TMCO4: variants seen among roughly 807,000 people sequenced by gnomAD.
TMCO4 encodes transmembrane and coiled-coil domain-containing protein 4.
TMCO4 carries 58 observed loss-of-function variants against 64.7 expected under a neutral mutation model. The ratio of observed to expected loss-of-function variants is 0.90; its 90% CI spans 0.73 to 1.12. The LOEUF is 1.12. TMCO4 is among the 50% of genes most tolerant of loss of function. The pLI, the probability that TMCO4 is intolerant of heterozygous loss-of-function variation, is 0.00. For synonymous variants in TMCO4, 325 were observed against 346.1 expected (o/e 0.94, Z 0.68); for missense variants, 780 against 825.9 (o/e 0.94, Z 0.68).
At chr1:19,695,577 T>C (rs866806570) in intron 14 of TMCO4, among the ~76,000 whole-genome samples, 1 of 152,198 alleles carries the variant, frequency 6.6e-6, no homozygotes, top group African/African-American at 2.4e-5. Context: ...GGGATAAGAA[T>C]GGCTGAGAGA....
rs1479019018 is a variant in TMCO4, at chr1:19,700,829, C to T, written c.1321G>A (p.Ala441Thr). 3 of 1,614,260 alleles carry T rather than the reference C, an allele frequency of 1.9e-6. No homozygotes were observed. Among genetic ancestry groups the T allele is most frequent in the Middle Eastern group, 1.6e-4 (1 of 6,062 alleles). Residue 441 changes from alanine to threonine, a missense_variant, in exon 14 of 16, where the codon GCC becomes ACC. Transcript: ENST00000294543. The stretch of plus-strand genomic sequence containing the variant: ...TTCCGGAAAGGCTCCCAATGCTTGG[C>T]TTCTCCCTCCACAGGCGCACCCAGC... ...ILLGAPVEGE[A>T]KHWEPFRKVV...
chr1:19,799,787 G>GCCGGCGGGGAGTGGC (rs990715734), intron 1 of TMCO4, 68 bp downstream of exon 1: 1 of 152,106 alleles, frequency 6.6e-6, no homozygotes, highest in Non-Finnish European at 1.5e-5. Context: ...CCCGCGTGGG[G>GCCGGCGGGGAGTGGC]CCGGCGGGGA....
chr1:19,737,968 TGATAA>T (rs1260179673), intron 12 of TMCO4, among the ~76,000 whole-genome samples: 9 of 152,264 alleles, frequency 5.9e-5, no homozygotes, highest in Admixed American at 1.3e-4. Context: ...TGGCTCTAAG[TGATAA>T]GATAAGGTAG....
chr1:19,692,195 CCT>C (rs2095200399), intron 15 of TMCO4, among the ~76,000 whole-genome samples: 1 of 152,124 alleles, frequency 6.6e-6, no homozygotes, highest in Admixed American at 6.6e-5. Flanking sequence ...CTCAGGGTCC[CCT>C]GATTGCTGAA....
At chr1:19,763,802 T>A (rs1340339493) in intron 6 of TMCO4, among the ~76,000 whole-genome samples, 1 of 152,234 alleles carries the variant, frequency 6.6e-6, no homozygotes, top group Non-Finnish European at 1.5e-5. Flanking sequence ...CTACACAGTA[T>A]TCCAGTACCA....
intron 4 of TMCO4, among the ~76,000 whole-genome samples, chr1:19,771,766 C>T (rs2042994501): frequency 6.6e-6 from 1 of 152,156 alleles, no homozygotes; most frequent in Admixed American, 6.5e-5. Context: ...AAGTGATTCT[C>T]CTGCCTCAGC....
At chr1:19,749,875 T>C (rs1320388431) in intron 7 of TMCO4, among the ~76,000 whole-genome samples, 2 of 152,156 alleles carry the variant, frequency 1.3e-5, no homozygotes, top group African/African-American at 4.8e-5. Flanking sequence ...TGAGACTTAT[T>C]TGGGGGTCAC....
intron 6 of TMCO4, among the ~76,000 whole-genome samples, chr1:19,756,112 A>G (rs922142781): frequency 6.6e-6 from 1 of 152,056 alleles, no homozygotes; most frequent in Non-Finnish European, 1.5e-5. Context: ...TTAGCCAGGC[A>G]TTGTGGTGCA....
chr1:19,788,188 C>A (rs950514131), intron 2 of TMCO4, among the ~76,000 whole-genome samples: 1 of 152,178 alleles, frequency 6.6e-6, no homozygotes, highest in Admixed American at 6.5e-5. Context: ...TGAGAATGTA[C>A]CTGTACTGTG....
intron 3 of TMCO4, among the ~76,000 whole-genome samples, chr1:19,780,970 A>G (rs1369106485): frequency 6.6e-6 from 1 of 152,136 alleles, no homozygotes; most frequent in Non-Finnish European, 1.5e-5. Flanking sequence ...CTATCCACAA[A>G]GGTCTATACA....
intron 13 of TMCO4, among the ~76,000 whole-genome samples, chr1:19,703,776 G>A (rs575890395): frequency 3.3e-5 from 5 of 152,090 alleles, no homozygotes; most frequent in Middle Eastern, 3.4e-3. Flanking sequence ...TCAAACTCCC[G>A]ACCTCAGGTG....
chr1:19,755,353 T>C (rs1298151972), intron 7 of TMCO4, among the ~76,000 whole-genome samples: 1 of 152,216 alleles, frequency 6.6e-6, no homozygotes, highest in East Asian at 1.9e-4. Flanking sequence ...CTCGAACTCC[T>C]GACCTCAAGT....
At chr1:19,703,432 T>TATTTC (rs2095284927) in intron 13 of TMCO4, among the ~76,000 whole-genome samples, 1 of 151,874 alleles carries the variant, frequency 6.6e-6, no homozygotes, top group Non-Finnish European at 1.5e-5. Flanking sequence ...CTTCCCTTTT[T>TATTTC]CTTTCCCTTC....
intron 13 of TMCO4, among the ~76,000 whole-genome samples, chr1:19,713,755 T>C (rs560885860): frequency 6.6e-6 from 1 of 152,252 alleles, no homozygotes; most frequent in African/African-American, 2.4e-5. Flanking sequence ...ACATGCTCCT[T>C]GAAGCGCAGA....
At chr1:19,751,590 A>G (rs865797300) in intron 7 of TMCO4, among the ~76,000 whole-genome samples, 7 of 152,170 alleles carry the variant, frequency 4.6e-5, no homozygotes, top group Admixed American at 2.6e-4. Flanking sequence ...TGGGTGACAG[A>G]GTAAGACTCT....
At chr1:19,773,876 G>C (rs1030424116) in intron 4 of TMCO4, among the ~76,000 whole-genome samples, 1 of 152,178 alleles carries the variant, frequency 6.6e-6, no homozygotes, top group Non-Finnish European at 1.5e-5. Context: ...GGAGGATGGG[G>C]TTAAGAGTTG....
rs943688187 is a variant in TMCO4, at chr1:19,683,330, G to A, written c.1615C>T (p.Pro539Ser). 26 of 1,613,956 alleles carry A rather than the reference G, an allele frequency of 1.6e-5. No individual in the cohort carries two copies. The highest frequency in any genetic ancestry group is 2.2e-5 in the Non-Finnish European group (26 of 1,179,946). ...KGLLLAPGCLPSEEPRQAAAA... is the reference protein window; with the variant it reads ...KGLLLAPGCLSSEEPRQAAAA... ...GCTGCCTGGCGAGGCTCCTCGGAGGGCAGGCAGCCTGGGGCCAGCAAGAGC... is the reference window on the plus strand; with the variant it reads ...GCTGCCTGGCGAGGCTCCTCGGAGGACAGGCAGCCTGGGGCCAGCAAGAGC... The change falls in exon 16 of 16, where the codon CCC (proline) becomes TCC (serine). Residue 539 changes from proline to serine, a missense_variant. Pro to Ser is a moderately conservative substitution (Grantham distance 74, BLOSUM62 -1). Coordinates refer to ENST00000294543, the MANE Select transcript of TMCO4 (RefSeq NM_181719.7).
intron 13 of TMCO4, among the ~76,000 whole-genome samples, chr1:19,719,231 T>C (rs1284032454): frequency 1.3e-5 from 2 of 152,172 alleles, no homozygotes; most frequent in Non-Finnish European, 2.9e-5. Flanking sequence ...GAGGCTCTGT[T>C]GGCTAATTAT....
chr1:19,794,029 G>C (rs2044183878), intron 2 of TMCO4, among the ~76,000 whole-genome samples: 1 of 152,022 alleles, frequency 6.6e-6, no homozygotes, highest in Non-Finnish European at 1.5e-5. Context: ...AATCTGGCCT[G>C]AATTGCCTCT....
Sources: gnomAD v4.1 joint callset for allele counts (sites outside exome capture counted in the v4.1 genomes callset) on GRCh38, gnomAD v4.1.1 for gene constraint, MANE v1.5 for transcripts, NCBI Gene and HGNC (gene_info 2026-07-23, HGNC 2026-07-21) for gene names.